Variants in ZNF730 observed in about 807,000 individuals in gnomAD.
ZNF730 encodes zinc finger protein 730, also known as putative zinc finger protein 730.
Under a neutral mutation model 12.6 loss-of-function variants are expected in ZNF730, and 12 were observed. That is an observed-to-expected ratio of 0.95 (90% CI 0.61 to 1.54). The LOEUF is 1.54. ZNF730 is among the 40% of genes most tolerant of loss of function. The pLI, the probability that ZNF730 is intolerant of heterozygous loss-of-function variation, is 0.00. For missense variants in ZNF730, 643 were observed against 583.5 expected (o/e 1.10, Z -1.05); for synonymous variants, 194 against 195.8 (o/e 0.99, Z 0.08).
At chr19:23,076,703 A>AT (rs2145420006) in intron 1 of ZNF730, among the ~76,000 whole-genome samples, 1 of 152,240 alleles carries the variant, frequency 6.6e-6, no homozygotes, top group South Asian at 2.1e-4. Flanking sequence ...GAACATTAAG[A>AT]TTTTTTTGGT....
At chr19:23,140,179 TGTAA>T (rs1188237690) in intron 3 of ZNF730, among the ~76,000 whole-genome samples, 1 of 152,172 alleles carries the variant, frequency 6.6e-6, no homozygotes, top group Non-Finnish European at 1.5e-5. Context: ...TTTTTTCTTG[TGTAA>T]GTGAGTAGTC....
rs183193771 is a variant in ZNF730, at chr19:23,146,352, C to G, written c.1308C>G (p.Ser436=). The stretch of plus-strand genomic sequence containing the variant: ...AATGTGGCAGAGCTTTCAACCAGTC[C>G]TCAACCCTTACTACACATAAAAGAA... ...CEECGRAFNQ[S]STLTTHKRIH... The change falls in exon 4 of 4, where the codon TCC becomes TCG. Residue 436 remains serine (S), a synonymous_variant. Transcript: ENST00000597761. The G allele has an allele frequency of 6.2e-7, 1 of 1,613,148 alleles. No homozygotes were observed. Among genetic ancestry groups the G allele is most frequent in the African/African-American group, 1.3e-5 (1 of 74,782 alleles).
intron 1 of ZNF730, among the ~76,000 whole-genome samples, chr19:23,087,272 G>T (rs111990258): frequency 0.012 from 1,837 of 152,218 alleles, 39 homozygotes; most frequent in African/African-American, 0.04. Context: ...GCCAGGCATG[G>T]TGGCGGGTGC....
At chr19:23,090,186 C>A (rs1371869805) in intron 1 of ZNF730, among the ~76,000 whole-genome samples, 1 of 151,712 alleles carries the variant, frequency 6.6e-6, no homozygotes, top group African/African-American at 2.4e-5. Context: ...GCGGAGGTTG[C>A]TGTGAGCCAA....
chr19:23,090,563 A>G (rs1320646794), intron 1 of ZNF730, among the ~76,000 whole-genome samples: 1 of 152,146 alleles, frequency 6.6e-6, no homozygotes, highest in Non-Finnish European at 1.5e-5. Context: ...TTTGAGGAGA[A>G]ATTCAAGCTG....
At chr19:23,138,719 T>C (rs1970869519) in intron 3 of ZNF730, among the ~76,000 whole-genome samples, 1 of 152,204 alleles carries the variant, frequency 6.6e-6, no homozygotes. Flanking sequence ...CCTTCCTGAA[T>C]CTCAGAGCTC....
intron 1 of ZNF730, among the ~76,000 whole-genome samples, chr19:23,122,577 ATC>A (rs1568311909): frequency 2.0e-5 from 3 of 152,244 alleles, no homozygotes; most frequent in African/African-American, 7.2e-5. Context: ...CAAGGTAATT[ATC>A]TCATATTTGC....
chr19:23,132,317 CTT>C (rs1424989565), intron 1 of ZNF730, among the ~76,000 whole-genome samples: 1 of 152,022 alleles, frequency 6.6e-6, no homozygotes, highest in Non-Finnish European at 1.5e-5. Context: ...GAAAAAATGG[CTT>C]TTTTTCAGCT....
chr19:23,116,991 G>T, upstream of ZNF730: 1 of 932,310 alleles, frequency 1.1e-6, no homozygotes, highest in Non-Finnish European at 1.4e-6. Flanking sequence ...GCCCGCAGCT[G>T]GAGCAGACAG....
At chr19:23,124,021 TGTGAAGG>T (rs1970631931) in intron 1 of ZNF730, 1 of 152,112 alleles carries the variant, frequency 6.6e-6, no homozygotes, top group Non-Finnish European at 1.5e-5. Flanking sequence ...TTCCCATTAC[TGTGAAGG>T]TGCAGTTCTA....
At chr19:23,104,683 T>G (rs1227172861) in intron 1 of ZNF730, among the ~76,000 whole-genome samples, 1 of 152,110 alleles carries the variant, frequency 6.6e-6, no homozygotes, top group Non-Finnish European at 1.5e-5. Context: ...GGAGAAACTG[T>G]TTGTTTGTTT....
chr19:23,124,366 A>G (rs1368990531), intron 1 of ZNF730, among the ~76,000 whole-genome samples: 1 of 152,234 alleles, frequency 6.6e-6, no homozygotes, highest in Non-Finnish European at 1.5e-5. Context: ...AACCACAACT[A>G]TACCTACCAG....
At chr19:23,109,668 C>T (rs1044602255) in intron 1 of ZNF730, among the ~76,000 whole-genome samples, 2 of 152,116 alleles carry the variant, frequency 1.3e-5, no homozygotes, top group Non-Finnish European at 2.9e-5. Flanking sequence ...CCGCCTCAGG[C>T]TCCCCAAGTG....
chr19:23,105,444 A>C (rs987926371), intron 1 of ZNF730, among the ~76,000 whole-genome samples: 4 of 151,946 alleles, frequency 2.6e-5, no homozygotes, highest in Non-Finnish European at 5.9e-5. Flanking sequence ...TATTTTATAC[A>C]TTTCTTTCTA....
intron 3 of ZNF730, among the ~76,000 whole-genome samples, chr19:23,142,642 C>T (rs565204865): frequency 3.1e-4 from 42 of 136,822 alleles, no homozygotes; most frequent in African/African-American, 1.1e-3. Context: ...GAGCCAAGAT[C>T]GCGCCGCTGC....
intron 1 of ZNF730, among the ~76,000 whole-genome samples, chr19:23,100,630 C>CTTTTTTTTTTTTTTTTTT (rs201462781): frequency 8.4e-6 from 1 of 118,554 alleles, no homozygotes; most frequent in African/African-American, 3.9e-5. Context: ...GATGGTGATT[C>CTTTTTTTTTTTTTTTTTT]TTTTTTTTTT....
chr19:23,086,945 G>A (rs1970072139), intron 1 of ZNF730, among the ~76,000 whole-genome samples: 1 of 152,130 alleles, frequency 6.6e-6, no homozygotes, highest in Admixed American at 6.5e-5. Flanking sequence ...TTTTCCATTT[G>A]TGTCATTTCT....
intron 1 of ZNF730, among the ~76,000 whole-genome samples, chr19:23,084,370 TA>T (rs61393434): frequency 2.0e-5 from 3 of 152,060 alleles, no homozygotes; most frequent in South Asian, 2.1e-4. Flanking sequence ...TTTGCGCTTT[TA>T]AAAAAAATGT....
intron 1 of ZNF730, among the ~76,000 whole-genome samples, chr19:23,082,627 G>A (rs1326778499): frequency 6.6e-6 from 1 of 152,160 alleles, no homozygotes; most frequent in East Asian, 1.9e-4. Flanking sequence ...GATTACAGGC[G>A]TGAGCCACAG....
Sources: allele counts gnomAD v4.1 joint callset (sites outside exome capture counted in the v4.1 genomes callset), GRCh38; gene constraint gnomAD v4.1.1; transcripts MANE v1.5; gene names NCBI Gene and HGNC (gene_info 2026-07-23, HGNC 2026-07-21).